Variants in PDLIM5 observed in about 807,000 individuals in gnomAD.
PDLIM5 encodes the protein PDZ and LIM domain 5.
PDLIM5 carries 34 observed loss-of-function variants against 64.2 expected under a neutral mutation model. The ratio of observed to expected loss-of-function variants is 0.53; its 90% CI spans 0.40 to 0.71. The LOEUF (loss-of-function observed/expected upper bound fraction) is 0.71, where lower values mean the gene tolerates loss of function less well. Among genes scored for constraint, PDLIM5 ranks in the 30% least tolerant of loss-of-function variants. The pLI is 0.00. For missense variants in PDLIM5, 683 were observed against 733.6 expected, an observed-to-expected ratio of 0.93 and a Z score of 0.80; for synonymous variants, 253 against 269.1, an observed-to-expected ratio of 0.94 and a Z score of 0.59.
At chr4:94,487,783 G>A (rs924580675) in intron 2 of PDLIM5, among the ~76,000 whole-genome samples, 1 of 152,128 alleles carries the variant, frequency 6.6e-6, no homozygotes, top group South Asian at 2.1e-4. Flanking sequence ...TTGTGGATAG[G>A]CCATTTGTGT....
intron 8 of PDLIM5, among the ~76,000 whole-genome samples, chr4:94,625,564 T>C (rs1179261703): frequency 6.6e-6 from 1 of 151,918 alleles, no homozygotes; most frequent in Non-Finnish European, 1.5e-5. Flanking sequence ...GCCATTCTCC[T>C]GCCTCAGCCC....
At chr4:94,490,650 A>G (rs1276253257) in intron 2 of PDLIM5, among the ~76,000 whole-genome samples, 2 of 152,142 alleles carry the variant, frequency 1.3e-5, no homozygotes, top group Non-Finnish European at 1.5e-5. Context: ...ATTTCTGATA[A>G]TTGTGTAAAT....
chr4:94,582,619 C>A, intron 5 of PDLIM5: 1 of 703,078 alleles, frequency 1.4e-6, no homozygotes, highest in Non-Finnish European at 2.5e-6. Context: ...TCTTTTTCTT[C>A]TTTTCTCCCC....
intron 8 of PDLIM5, among the ~76,000 whole-genome samples, chr4:94,627,366 C>CA (rs1739782197): frequency 6.6e-6 from 1 of 152,126 alleles, no homozygotes; most frequent in Non-Finnish European, 1.5e-5. Context: ...GGAAGCTTTC[C>CA]AGTGCTGATG....
At chr4:94,627,970 C>A (rs1054248675) in intron 8 of PDLIM5, among the ~76,000 whole-genome samples, 2 of 152,106 alleles carry the variant, frequency 1.3e-5, no homozygotes, top group Non-Finnish European at 2.9e-5. Context: ...ACATCTAAAA[C>A]GTTGTATGTA....
At position 94,523,866 on chromosome 4, in the gene PDLIM5, C is replaced by G; in HGVS notation, c.239C>G (p.Thr80Ser). The G allele has an allele frequency of 1.9e-6, 3 of 1,611,244 alleles. No individual in the cohort carries two copies. Among genetic ancestry groups the G allele is most frequent in the Non-Finnish European group, 2.5e-6 (3 of 1,178,210 alleles). Residue 80 changes from threonine (T) to serine (S), a missense_variant, in exon 3 of 13, where the codon ACT becomes AGT. Transcript: ENST00000317968. ...GGTTGTACAGGCTCTTTGAATATGA[C>G]TCTGCAAAGGTAAGTTGCTTTTTGT... ...IKGCTGSLNM[T>S]LQRASAAPKP... is the part of the protein sequence containing the mutation.
chr4:94,533,628 C>T (rs1219106545), intron 3 of PDLIM5, among the ~76,000 whole-genome samples: 3 of 152,192 alleles, frequency 2.0e-5, no homozygotes, highest in African/African-American at 7.2e-5. Flanking sequence ...TTCAGTTAAC[C>T]ACTTGTACCT....
At chr4:94,553,825 T>C (rs1216858888) in intron 3 of PDLIM5, among the ~76,000 whole-genome samples, 1 of 152,208 alleles carries the variant, frequency 6.6e-6, no homozygotes, top group Non-Finnish European at 1.5e-5. Flanking sequence ...AAATTCAGCT[T>C]TCCACAGAGA....
intron 7 of PDLIM5, among the ~76,000 whole-genome samples, chr4:94,598,139 A>G (rs558317783): frequency 2.0e-5 from 3 of 152,280 alleles, no homozygotes; most frequent in African/African-American, 7.2e-5. Context: ...GAGATCCACA[A>G]CTTGCTGCCC....
chr4:94,473,829 G>C (rs918766711), intron 2 of PDLIM5, among the ~76,000 whole-genome samples: 1 of 152,098 alleles, frequency 6.6e-6, no homozygotes, highest in African/African-American at 2.4e-5. Context: ...TTGCATTCTT[G>C]GTACTGTTGT....
intron 2 of PDLIM5, among the ~76,000 whole-genome samples, chr4:94,472,162 GCGCACACACACACA>G: frequency 6.6e-6 from 1 of 151,408 alleles, no homozygotes; most frequent in Non-Finnish European, 1.5e-5. Flanking sequence ...ACACACACAC[GCGCACACACACACA>G]CGCACACGCA....
Position 94,473,291 on chromosome 4 carries a change from T to C in PDLIM5, c.96+17907T>C, listed in dbSNP as rs146959088. Among the ~76,000 whole-genome samples the C allele has an allele frequency of 5.3e-3, 813 of 152,280 alleles. 8 individuals are homozygous for C. The highest frequency in any genetic ancestry group is 0.018 in the African/African-American group (747 of 41,552). ...TATTTTTATTTTTTGAGACGGAGTT[T>C]CACTCTGTTGCCGAGGCTGGAGTAC... is the stretch of plus-strand genomic sequence containing the variant. On this transcript the variant is annotated intron_variant, in intron 2 of 12. Transcript: ENST00000317968.
At chr4:94,490,945 TATAAA>T (rs1383561899) in intron 2 of PDLIM5, among the ~76,000 whole-genome samples, 1 of 152,194 alleles carries the variant, frequency 6.6e-6, no homozygotes, top group Non-Finnish European at 1.5e-5. Flanking sequence ...TGTACTATAA[TATAAA>T]ATGACTGTAT....
chr4:94,552,510 T>C (rs892686518), intron 3 of PDLIM5, among the ~76,000 whole-genome samples: 5 of 152,162 alleles, frequency 3.3e-5, no homozygotes, highest in African/African-American at 4.8e-5. Context: ...CTATAAATAT[T>C]GTCTTTATAT....
rs116830271 is a variant in PDLIM5, at chr4:94,618,127, C to T, written c.1044C>T (p.Ala348=). The T allele has an allele frequency of 2.9e-4, 472 of 1,612,472 alleles. 3 individuals are homozygous for T. In the East Asian group the frequency reaches 9.1e-3, roughly 31 times the overall value. ...TTACCAGCCTCACAGCTGCAGCTGCCTTCAAGCCTGTAGGATCCACTGGCG... is the reference window on the plus strand; with the variant it reads ...TTACCAGCCTCACAGCTGCAGCTGCTTTCAAGCCTGTAGGATCCACTGGCG... ...PGVTSLTAAA[A]FKPVGSTGVI... is the part of the protein sequence containing the mutation. The change falls in exon 8 of 13, where the codon GCC becomes GCT. Residue 348 remains alanine, a synonymous_variant. Transcript: ENST00000317968.
At chr4:94,551,521 A>T (rs1479242384) in intron 3 of PDLIM5, among the ~76,000 whole-genome samples, 1 of 152,156 alleles carries the variant, frequency 6.6e-6, no homozygotes, top group Non-Finnish European at 1.5e-5. Context: ...AAGATTTTTA[A>T]TTCTAGAGAC....
intron 2 of PDLIM5, chr4:94,455,734 T>G: frequency 6.8e-7 from 1 of 1,474,128 alleles, no homozygotes; most frequent in Non-Finnish European, 9.2e-7. Context: ...GGGATTTTAA[T>G]AATCTCTTTC....
Position 94,509,990 on chromosome 4 carries a change from A to G in PDLIM5, c.97-13734A>G, listed in dbSNP as rs1299704892. On this transcript the variant is annotated intron_variant, in intron 2 of 12. Transcript: ENST00000317968. ...ATCAAGTTGCCACGCAGTATCAACC[A>G]TCACACCCCACTAGTTTAATAGTTC... Among the ~76,000 whole-genome samples the G allele has an allele frequency of 5.3e-5, 8 of 152,322 alleles. 1 individual carries two copies. The East Asian group carries it at 1.5e-3, about 29-fold the overall frequency.
chr4:94,512,486 A>G (rs1392320648), intron 2 of PDLIM5, among the ~76,000 whole-genome samples: 1 of 152,128 alleles, frequency 6.6e-6, no homozygotes, highest in Non-Finnish European at 1.5e-5. Flanking sequence ...GGATGAGATG[A>G]TATCTCATAG....
Sources: allele counts gnomAD v4.1 joint callset (sites outside exome capture counted in the v4.1 genomes callset), GRCh38; gene constraint gnomAD v4.1.1; transcripts MANE v1.5; gene names NCBI Gene and HGNC (gene_info 2026-07-23, HGNC 2026-07-21).